LRMDA: variants seen among roughly 807,000 people sequenced by gnomAD.
The protein encoded by LRMDA is leucine-rich melanocyte differentiation-associated protein.
In LRMDA, 18 loss-of-function variants were observed where a neutral mutation model predicts 29.8. That is an observed-to-expected ratio of 0.60 (90% CI 0.42 to 0.90). The LOEUF (loss-of-function observed/expected upper bound fraction) is 0.90, where lower values mean the gene tolerates loss of function less well. LRMDA is among the 40% of genes least tolerant of loss of function. The pLI, the probability that LRMDA is intolerant of heterozygous loss-of-function variation, is 0.00. For synonymous variants in LRMDA, 125 were observed against 109.4 expected (o/e 1.14, Z -0.89); for missense variants, 273 against 273.9 (o/e 1.00, Z 0.02).
intron 5 of LRMDA, among the ~76,000 whole-genome samples, chr10:76,083,700 G>A (rs1057313602): frequency 7.2e-5 from 11 of 152,136 alleles, no homozygotes; most frequent in Admixed American, 5.2e-4. Context: ...CAGATGTGGT[G>A]GCGTGAGCCT....
At chr10:76,377,252 T>G (rs71473802) in intron 6 of LRMDA, among the ~76,000 whole-genome samples, 1 of 152,264 alleles carries the variant, frequency 6.6e-6, no homozygotes, top group South Asian at 2.1e-4. Flanking sequence ...ATTTATTTTG[T>G]TTTTCTTGTT....
chr10:76,061,126 G>A (rs994980359), intron 5 of LRMDA, among the ~76,000 whole-genome samples: 2 of 152,100 alleles, frequency 1.3e-5, no homozygotes, highest in Admixed American at 1.3e-4. Context: ...CAGCCTAAAT[G>A]CCCATCAGTG....
At chr10:76,528,907 G>A (rs1489219179) in intron 6 of LRMDA, among the ~76,000 whole-genome samples, 2 of 152,168 alleles carry the variant, frequency 1.3e-5, no homozygotes, top group Non-Finnish European at 2.9e-5. Flanking sequence ...CAGGAAGGAA[G>A]AAAAGGCAAG....
chr10:76,316,705 A>T (rs755979368), intron 5 of LRMDA, among the ~76,000 whole-genome samples: 1 of 152,240 alleles, frequency 6.6e-6, no homozygotes, highest in Non-Finnish European at 1.5e-5. Context: ...ACACACACCC[A>T]CATTACTTGG....
chr10:76,201,911 G>T (rs796847027), intron 5 of LRMDA, among the ~76,000 whole-genome samples: 5 of 152,260 alleles, frequency 3.3e-5, no homozygotes, highest in African/African-American at 1.2e-4. Flanking sequence ...TTTGCAATCA[G>T]AGCGGTCCTG....
chr10:76,054,782 C>A (rs561653379), intron 4 of LRMDA, among the ~76,000 whole-genome samples: 1 of 150,788 alleles, frequency 6.6e-6, no homozygotes, highest in Admixed American at 6.6e-5. Flanking sequence ...GGTGGGAGCT[C>A]TACTGGAGGA....
intron 6 of LRMDA, among the ~76,000 whole-genome samples, chr10:76,543,216 G>A (rs1190799814): frequency 1.3e-5 from 2 of 152,034 alleles, no homozygotes; most frequent in East Asian, 1.9e-4. Flanking sequence ...CAGTGGTGTC[G>A]GGAGAGACAT....
chr10:75,529,867 AG>A (rs1362518055), intron 2 of LRMDA, among the ~76,000 whole-genome samples: 2 of 152,190 alleles, frequency 1.3e-5, no homozygotes, highest in Non-Finnish European at 2.9e-5. Flanking sequence ...AGGAATAGAA[AG>A]GGTCTATGCT....
At chr10:75,710,709 G>A (rs1171237354) in intron 2 of LRMDA, among the ~76,000 whole-genome samples, 1 of 152,240 alleles carries the variant, frequency 6.6e-6, no homozygotes, top group Non-Finnish European at 1.5e-5. Flanking sequence ...CAGGTTCTGG[G>A]TTAAATGTGT....
At chr10:75,514,419 G>T (rs1845265507) in intron 2 of LRMDA, among the ~76,000 whole-genome samples, 1 of 151,894 alleles carries the variant, frequency 6.6e-6, no homozygotes, top group African/African-American at 2.4e-5. Context: ...TATTTGAAGA[G>T]GCTGGAGCAG....
intron 6 of LRMDA, among the ~76,000 whole-genome samples, chr10:76,447,731 G>T (rs140059217): frequency 5.1e-4 from 78 of 152,246 alleles, no homozygotes; most frequent in African/African-American, 1.8e-3. Flanking sequence ...TACCCATTCA[G>T]GTTGGAGACC....
At chr10:76,338,743 G>A (rs561227927) in intron 6 of LRMDA, among the ~76,000 whole-genome samples, 1 of 152,218 alleles carries the variant, frequency 6.6e-6, no homozygotes, top group South Asian at 2.1e-4. Flanking sequence ...AGAGGTGCAT[G>A]TAATAAAATG....
chr10:76,181,591 T>A (rs79077109), intron 5 of LRMDA, among the ~76,000 whole-genome samples: 2,191 of 152,074 alleles, frequency 0.014, 49 homozygotes, highest in African/African-American at 0.049. Flanking sequence ...AGCAAGAGAG[T>A]CTGTATGCCC....
intron 6 of LRMDA, among the ~76,000 whole-genome samples, chr10:76,370,249 A>AAAAC (rs1264052059): frequency 6.6e-6 from 1 of 152,098 alleles, no homozygotes; most frequent in Non-Finnish European, 1.5e-5. Flanking sequence ...AAAAAAAAAC[A>AAAAC]AAACAAACAA....
rs554797553 is a variant in LRMDA at position 76,391,125 on chromosome 10, G to A, written c.601+66640G>A. On this transcript the variant is annotated intron_variant, in intron 6 of 6. Transcript: ENST00000611255. ...TCTAACCAATATTCCAAAGAGGTCA[G>A]CTGTGCCTAAAATGCATGTTGGCAG... Among the ~76,000 whole-genome samples the A allele has an allele frequency of 2.8e-3, 426 of 152,264 alleles. 5 individuals are homozygous for A. The highest frequency in any genetic ancestry group is 0.027 in the Middle Eastern group (8 of 294).
At chr10:76,275,398 C>G (rs1840118410) in intron 5 of LRMDA, among the ~76,000 whole-genome samples, 1 of 151,124 alleles carries the variant, frequency 6.6e-6, no homozygotes, top group Non-Finnish European at 1.5e-5. Context: ...ATATTTTTTT[C>G]TTCATTTTGG....
chr10:75,872,968 G>T (rs1166826966), intron 2 of LRMDA, among the ~76,000 whole-genome samples: 3 of 152,136 alleles, frequency 2.0e-5, no homozygotes, highest in African/African-American at 4.8e-5. Context: ...TCAATGCCCT[G>T]CAATCAATAA....
In LRMDA at chr10:75,531,683, A is replaced by G. The variant is rs3750798; in HGVS notation, c.131+93189A>G. ...ACAGGGTCTTTTAATCACCTAGTGT[A>G]TGTTCAGTTTTAATGTAGATACAAG... On this transcript the variant is annotated intron_variant, in intron 2 of 6. Transcript: ENST00000611255. 6.8e-4 allele frequency among the ~76,000 whole-genome samples: 103 copies of G among 152,244 alleles called. 1 individual carries two copies. In the East Asian group the frequency reaches 0.019, roughly 28 times the overall value.
At chr10:75,952,317 CA>C (rs1428349176) in intron 2 of LRMDA, among the ~76,000 whole-genome samples, 1 of 152,122 alleles carries the variant, frequency 6.6e-6, no homozygotes. Flanking sequence ...AAGTTGTCAA[CA>C]CAACCATTTA....
Sources: gnomAD v4.1 joint callset for allele counts (sites outside exome capture counted in the v4.1 genomes callset) on GRCh38, gnomAD v4.1.1 for gene constraint, MANE v1.5 for transcripts, NCBI Gene and HGNC (gene_info 2026-07-23, HGNC 2026-07-21) for gene names.